Variants in CDYL2 observed in about 807,000 individuals in gnomAD.
The protein encoded by CDYL2 is chromodomain Y-like protein 2.
In CDYL2, 23 loss-of-function variants were observed where a neutral mutation model predicts 49.4. The observed-to-expected ratio is 0.47, with a 90% CI of 0.34 to 0.66. The LOEUF is 0.66. CDYL2 is among the 30% of genes least tolerant of loss of function. The pLI is 0.01. For missense variants in CDYL2, 678 were observed against 656.4 expected, an observed-to-expected ratio of 1.03 and a Z score of -0.36; for synonymous variants, 360 against 268.8, an observed-to-expected ratio of 1.34 and a Z score of -3.32.
At chr16:80,640,132 C>G (rs1438139344) in intron 2 of CDYL2, among the ~76,000 whole-genome samples, 2 of 152,180 alleles carry the variant, frequency 1.3e-5, no homozygotes, top group African/African-American at 2.4e-5. Context: ...GAGACACCAG[C>G]TGGGGTGGCT....
intron 3 of CDYL2, among the ~76,000 whole-genome samples, chr16:80,622,407 C>G (rs1907122040): frequency 6.6e-6 from 1 of 152,036 alleles, no homozygotes; most frequent in African/African-American, 2.4e-5. Flanking sequence ...CTATTCTCCT[C>G]CCCCTATTCT....
chr16:80,789,669 TTAAG>T (rs1907548123), intron 1 of CDYL2, among the ~76,000 whole-genome samples: 1 of 152,002 alleles, frequency 6.6e-6, no homozygotes, highest in Non-Finnish European at 1.5e-5. Flanking sequence ...TGAAACCAAT[TTAAG>T]TGTCTACCAG....
At chr16:80,610,130 A>G (rs1906528758) in intron 5 of CDYL2, among the ~76,000 whole-genome samples, 1 of 152,188 alleles carries the variant, frequency 6.6e-6, no homozygotes, top group African/African-American at 2.4e-5. Flanking sequence ...GGGAATATCA[A>G]GGAAGGAAAA....
At chr16:80,785,655 G>A (rs1043921977) in intron 1 of CDYL2, among the ~76,000 whole-genome samples, 1 of 152,096 alleles carries the variant, frequency 6.6e-6, no homozygotes, top group African/African-American at 2.4e-5. Flanking sequence ...GCATAGCCAA[G>A]ACAATCTGGA....
chr16:80,710,387 T>C (rs1904554643), intron 1 of CDYL2, among the ~76,000 whole-genome samples: 1 of 152,236 alleles, frequency 6.6e-6, no homozygotes, highest in Admixed American at 6.5e-5. Flanking sequence ...GTTATGTCCA[T>C]ATCTTTGAAC....
At chr16:80,755,977 G>A (rs747549152) in intron 1 of CDYL2, among the ~76,000 whole-genome samples, 2 of 152,030 alleles carry the variant, frequency 1.3e-5, no homozygotes, top group African/African-American at 2.4e-5. Flanking sequence ...AATAACTACT[G>A]GGTCAAGGGG....
chr16:80,775,571 T>G (rs375869888), intron 1 of CDYL2, among the ~76,000 whole-genome samples: 1 of 151,406 alleles, frequency 6.6e-6, no homozygotes, highest in Non-Finnish European at 1.5e-5. Flanking sequence ...ATATAACTAC[T>G]AGAACACTTA....
At chr16:80,705,076 C>T (rs879219877) in intron 1 of CDYL2, among the ~76,000 whole-genome samples, 7 of 152,224 alleles carry the variant, frequency 4.6e-5, no homozygotes, top group Admixed American at 6.5e-5. Flanking sequence ...GCTTCGTCTA[C>T]GCTGACTTCA....
At chr16:80,740,804 A>G (rs1229776970) in intron 1 of CDYL2, among the ~76,000 whole-genome samples, 1 of 151,950 alleles carries the variant, frequency 6.6e-6, no homozygotes, top group Non-Finnish European at 1.5e-5. Context: ...AATGTGCAGG[A>G]TTAAATGAAG....
chr16:80,762,546 C>T (rs574300125), intron 1 of CDYL2, among the ~76,000 whole-genome samples: 13 of 152,292 alleles, frequency 8.5e-5, no homozygotes, highest in South Asian at 4.1e-4. Flanking sequence ...GCAGAGGTCA[C>T]GCCACTGCTT....
chr16:80,626,240 G>A (rs530397160), intron 3 of CDYL2, among the ~76,000 whole-genome samples: 32 of 134,340 alleles, frequency 2.4e-4, no homozygotes, highest in African/African-American at 8.2e-4. Flanking sequence ...TCGTACCACC[G>A]TACTCCAACC....
intron 2 of CDYL2, among the ~76,000 whole-genome samples, chr16:80,655,969 G>C (rs894110570): frequency 1.3e-5 from 2 of 152,206 alleles, no homozygotes; most frequent in African/African-American, 2.4e-5. Flanking sequence ...TTAGGGCTCT[G>C]CAGTCAGAGG....
chr16:80,735,808 T>A (rs774777821), intron 1 of CDYL2, among the ~76,000 whole-genome samples: 2 of 152,232 alleles, frequency 1.3e-5, no homozygotes, highest in Non-Finnish European at 2.9e-5. Context: ...AAAAGAAACC[T>A]GCAGTCAGGG....
intron 2 of CDYL2, among the ~76,000 whole-genome samples, chr16:80,655,689 A>C (rs1289140327): frequency 6.6e-6 from 1 of 152,162 alleles, no homozygotes; most frequent in Non-Finnish European, 1.5e-5. Context: ...TAAACTTAGA[A>C]AGATGCAACA....
intron 1 of CDYL2, among the ~76,000 whole-genome samples, chr16:80,750,397 C>CA (rs201472206): frequency 0.047 from 5,375 of 113,328 alleles, 103 homozygotes; most frequent in Non-Finnish European, 0.066. Flanking sequence ...AGACTGGATC[C>CA]AAAAAAAAAA....
chr16:80,609,802 G>C (rs1427350704), intron 5 of CDYL2, among the ~76,000 whole-genome samples: 1 of 152,174 alleles, frequency 6.6e-6, no homozygotes, highest in Non-Finnish European at 1.5e-5. Context: ...AGGATTCAGA[G>C]AGAAAGGGGG....
At chr16:80,765,728 C>CAAA (rs35740729) in intron 1 of CDYL2, among the ~76,000 whole-genome samples, 10 of 55,186 alleles carry the variant, frequency 1.8e-4, no homozygotes, top group East Asian at 7.6e-4. Flanking sequence ...GTATTAATCG[C>CAAA]AAAAAAAAAA....
At chr16:80,698,701 T>C (rs1392475041) in intron 1 of CDYL2, among the ~76,000 whole-genome samples, 1 of 152,080 alleles carries the variant, frequency 6.6e-6, no homozygotes, top group Non-Finnish European at 1.5e-5. Flanking sequence ...TCCTCTCTCT[T>C]ACTTCTGCTC....
intron 4 of CDYL2, among the ~76,000 whole-genome samples, chr16:80,617,366 A>G (rs1419693587): frequency 6.6e-6 from 1 of 152,198 alleles, no homozygotes; most frequent in East Asian, 1.9e-4. Context: ...TAGCCCTGCT[A>G]GATTTTGAAG....
Sources: allele counts gnomAD v4.1 joint callset (sites outside exome capture counted in the v4.1 genomes callset), GRCh38; gene constraint gnomAD v4.1.1; transcripts MANE v1.5; gene names NCBI Gene and HGNC (gene_info 2026-07-23, HGNC 2026-07-21).